The following CTNNA3 variants were observed in gnomAD, a reference collection of about 807,000 sequenced individuals.
CTNNA3 encodes the protein catenin alpha-3.
CTNNA3 carries 76 observed loss-of-function variants against 95.7 expected under a neutral mutation model. That is an observed-to-expected ratio of 0.79 (90% confidence interval 0.66 to 0.96). The LOEUF (loss-of-function observed/expected upper bound fraction) is 0.96. Among genes scored for constraint, CTNNA3 ranks in the 40% least tolerant of loss-of-function variants. The pLI is 0.00. For synonymous variants in CTNNA3, 431 were observed against 374.4 expected (o/e 1.15, Z -1.74); for missense variants, 1,191 against 1,089.8 (o/e 1.09, Z -1.31).
chr10:66,877,130 C>T (rs1305184808), intron 7 of CTNNA3, among the ~76,000 whole-genome samples: 1 of 152,078 alleles, frequency 6.6e-6, no homozygotes, highest in African/African-American at 2.4e-5. Context: ...TCATGGTTGG[C>T]CAGCTTGTTT....
intron 5 of CTNNA3, among the ~76,000 whole-genome samples, chr10:67,519,525 T>C (rs1045558027): frequency 6.6e-6 from 1 of 152,186 alleles, no homozygotes; most frequent in Non-Finnish European, 1.5e-5. Context: ...TGATTTTAAT[T>C]GCCTATAATC....
At chr10:67,683,520 C>T (rs756733817) in intron 1 of CTNNA3, among the ~76,000 whole-genome samples, 32 of 152,200 alleles carry the variant, frequency 2.1e-4, no homozygotes, top group Non-Finnish European at 4.1e-4. Context: ...TAACTCTGGG[C>T]CTCTTTGAAC....
At chr10:67,217,287 T>G (rs1357738611) in intron 6 of CTNNA3, among the ~76,000 whole-genome samples, 2 of 151,270 alleles carry the variant, frequency 1.3e-5, no homozygotes, top group East Asian at 3.9e-4. Flanking sequence ...ACCAAATCAT[T>G]AAAAAAGGTT....
intron 13 of CTNNA3, among the ~76,000 whole-genome samples, chr10:66,203,229 C>T (rs572555999): frequency 8.5e-4 from 130 of 152,150 alleles, no homozygotes; most frequent in Admixed American, 1.3e-3. Flanking sequence ...TCATTAATGA[C>T]GTTAGATGAA....
At chr10:65,923,959 T>C (rs1323592306) in intron 17 of CTNNA3, among the ~76,000 whole-genome samples, 1 of 152,152 alleles carries the variant, frequency 6.6e-6, no homozygotes, top group African/African-American at 2.4e-5. Flanking sequence ...AGAAACATTT[T>C]ATATCCCGTA....
intron 17 of CTNNA3, among the ~76,000 whole-genome samples, chr10:65,955,062 T>C (rs1174470648): frequency 2.6e-5 from 4 of 152,338 alleles, no homozygotes; most frequent in Admixed American, 2.0e-4. Context: ...TTTTATTTCA[T>C]TGAGCAGTGG....
intron 3 of CTNNA3, 130 bp downstream of exon 3, chr10:67,606,727 T>C (rs1589480949): frequency 2.9e-6 from 2 of 681,550 alleles, no homozygotes; most frequent in East Asian, 2.7e-5. Context: ...CTCCCACAGC[T>C]AGCTCCTCAC....
At chr10:66,047,462 T>C (rs1564602133) in intron 15 of CTNNA3, among the ~76,000 whole-genome samples, 1 of 152,156 alleles carries the variant, frequency 6.6e-6, no homozygotes. Context: ...ATAAACCAGA[T>C]ATTGAAGGAA....
At chr10:66,233,033 G>A (rs534555148) in intron 13 of CTNNA3, among the ~76,000 whole-genome samples, 4 of 151,814 alleles carry the variant, frequency 2.6e-5, no homozygotes, top group South Asian at 2.1e-4. Flanking sequence ...GGTGGTGTGC[G>A]CCTGTAGTCC....
At chr10:66,004,257 C>T (rs774070205) in intron 15 of CTNNA3, among the ~76,000 whole-genome samples, 4 of 152,140 alleles carry the variant, frequency 2.6e-5, no homozygotes, top group African/African-American at 7.2e-5. Flanking sequence ...TATTCCCAGC[C>T]GTTGTTCTAA....
chr10:66,439,429 TAG>T (rs1348576117), intron 11 of CTNNA3, among the ~76,000 whole-genome samples: 2 of 152,116 alleles, frequency 1.3e-5, no homozygotes, highest in Non-Finnish European at 2.9e-5. Flanking sequence ...ACAAATTTTG[TAG>T]AGAGTAGTTG....
chr10:66,054,092 T>C (rs1419674834), intron 15 of CTNNA3, among the ~76,000 whole-genome samples: 3 of 152,326 alleles, frequency 2.0e-5, no homozygotes, highest in Non-Finnish European at 2.9e-5. Flanking sequence ...TATTCCATTG[T>C]GTATATGTAC....
In CTNNA3 at chr10:66,098,747, C is replaced by A. The variant is rs1448705139; in HGVS notation, c.1977+4410G>T. 5 of 152,122 alleles carry A rather than the reference C, an allele frequency of 3.3e-5. No individual in the cohort carries two copies. The South Asian group carries it at 8.3e-4, about 25-fold the overall frequency. 9.4% of individuals were successfully genotyped at this position (152,122 alleles called of 1,614,324 possible). On this transcript the variant is annotated intron_variant, in intron 14 of 17. Transcript: ENST00000433211. ...AGCTCTGTGAAGAATGTTCTATGAA[C>A]CCGAATCAAACTCAAACTCCTGTGT...
intron 1 of CTNNA3, among the ~76,000 whole-genome samples, chr10:67,670,707 G>A (rs1399826023): frequency 6.6e-6 from 1 of 152,096 alleles, no homozygotes. Flanking sequence ...CCTAACTGGT[G>A]GACTAGTCTA....
chr10:67,449,005 T>C (rs944702518), intron 5 of CTNNA3, among the ~76,000 whole-genome samples: 66 of 151,736 alleles, frequency 4.3e-4, no homozygotes, highest in Non-Finnish European at 6.5e-4. Context: ...ACAAAACCAA[T>C]ATACAAAAAT....
chr10:67,157,194 A>G (rs1018491056), intron 7 of CTNNA3, among the ~76,000 whole-genome samples: 4 of 152,144 alleles, frequency 2.6e-5, no homozygotes, highest in Non-Finnish European at 5.9e-5. Context: ...CATGAAGGAA[A>G]TTATAAAGAC....
intron 11 of CTNNA3, among the ~76,000 whole-genome samples, chr10:66,437,039 G>A (rs1434413262): frequency 6.6e-6 from 1 of 152,056 alleles, no homozygotes; most frequent in Non-Finnish European, 1.5e-5. Flanking sequence ...GGCTTGTAGG[G>A]TTTCTGCCAA....
intron 3 of CTNNA3, among the ~76,000 whole-genome samples, chr10:67,581,241 C>T (rs1040179047): frequency 2.6e-5 from 4 of 152,068 alleles, no homozygotes; most frequent in African/African-American, 9.7e-5. Flanking sequence ...CCATCAACAC[C>T]TAGTTTATTG....
At chr10:66,552,053 G>C (rs1208286956) in intron 10 of CTNNA3, among the ~76,000 whole-genome samples, 1 of 151,804 alleles carries the variant, frequency 6.6e-6, no homozygotes, top group Non-Finnish European at 1.5e-5. Flanking sequence ...ACAGGCGTGT[G>C]CCACCACGCC....
Sources: gnomAD v4.1 joint callset for allele counts (sites outside exome capture counted in the v4.1 genomes callset) on GRCh38, gnomAD v4.1.1 for gene constraint, MANE v1.5 for transcripts, NCBI Gene and HGNC (gene_info 2026-07-23, HGNC 2026-07-21) for gene names.